HIVEP3: variants seen among roughly 807,000 people sequenced by gnomAD.
HIVEP3 encodes the protein transcription factor HIVEP3.
HIVEP3 carries 49 observed loss-of-function variants against 152.8 expected under a neutral mutation model. That is an observed-to-expected ratio of 0.32 (90% CI 0.26 to 0.41). The LOEUF (loss-of-function observed/expected upper bound fraction) is 0.41, where lower values mean the gene tolerates loss of function less well. Among genes scored for constraint, HIVEP3 ranks in the 10% least tolerant of loss-of-function variants. The pLI is 1.00. For missense variants in HIVEP3, 2,790 were observed against 3,103.3 expected, an observed-to-expected ratio of 0.90 and a Z score of 2.40; for synonymous variants, 1,269 against 1,289.0, an observed-to-expected ratio of 0.98 and a Z score of 0.33.
At chr1:41,526,697 ACG>A (rs1642946293) in intron 5 of HIVEP3, among the ~76,000 whole-genome samples, 2 of 31,416 alleles carry the variant, frequency 6.4e-5, no homozygotes, top group African/African-American at 2.8e-4. Flanking sequence ...ACTCACCCTC[ACG>A]CACACTCACC....
At chr1:41,992,520 C>T (rs1645368643) in intron 1 of HIVEP3, among the ~76,000 whole-genome samples, 1 of 147,458 alleles carries the variant, frequency 6.8e-6, no homozygotes, top group African/African-American at 2.6e-5. Context: ...AATGGAAGAA[C>T]ATTCCATGCT....
intron 1 of HIVEP3, among the ~76,000 whole-genome samples, chr1:41,707,428 G>C (rs1646450865): frequency 6.6e-6 from 1 of 152,220 alleles, no homozygotes; most frequent in Non-Finnish European, 1.5e-5. Context: ...GGGCAAGAAA[G>C]GACTTACCCT....
At chr1:41,863,744 C>A (rs1015415673) in intron 1 of HIVEP3, among the ~76,000 whole-genome samples, 1 of 152,194 alleles carries the variant, frequency 6.6e-6, no homozygotes, top group African/African-American at 2.4e-5. Context: ...CTACCTCTCT[C>A]AATTAGTTGG....
intron 1 of HIVEP3, among the ~76,000 whole-genome samples, chr1:41,783,734 A>T (rs951543598): frequency 6.6e-6 from 1 of 152,202 alleles, no homozygotes; most frequent in Admixed American, 6.5e-5. Flanking sequence ...CTTTTTCAGA[A>T]TGAAGGGGCC....
At chr1:41,699,654 G>A (rs905981824) in intron 2 of HIVEP3, among the ~76,000 whole-genome samples, 1 of 152,144 alleles carries the variant, frequency 6.6e-6, no homozygotes, top group Non-Finnish European at 1.5e-5. Context: ...TGGGGCCCCG[G>A]GGACCTGAAA....
At chr1:41,865,190 G>A (rs140522367) in intron 1 of HIVEP3, among the ~76,000 whole-genome samples, 7 of 152,198 alleles carry the variant, frequency 4.6e-5, no homozygotes, top group East Asian at 1.9e-4. Flanking sequence ...CATCGTTCAC[G>A]CCATCTTTTA....
intron 1 of HIVEP3, chr1:41,848,595 A>T (rs1643507253): frequency 1.3e-5 from 2 of 152,464 alleles, no homozygotes. Context: ...AACAGGGTGG[A>T]AGGGTAGAGA....
intron 1 of HIVEP3, among the ~76,000 whole-genome samples, chr1:41,796,150 T>C (rs567864493): frequency 6.6e-6 from 1 of 152,344 alleles, no homozygotes; most frequent in East Asian, 1.9e-4. Context: ...TTGACTCTAA[T>C]CCAGCACTAT....
At chr1:41,931,160 T>A (rs967621432) in intron 1 of HIVEP3, among the ~76,000 whole-genome samples, 1 of 152,114 alleles carries the variant, frequency 6.6e-6, no homozygotes, top group Non-Finnish European at 1.5e-5. Flanking sequence ...ATTGTGCTTT[T>A]AATGTTGTAT....
At chr1:42,028,082 C>A (rs984050109) in intron 1 of HIVEP3, among the ~76,000 whole-genome samples, 3 of 152,222 alleles carry the variant, frequency 2.0e-5, no homozygotes, top group African/African-American at 7.2e-5. Flanking sequence ...CTTCCTTGAA[C>A]AATCTCTCTA....
intron 1 of HIVEP3, among the ~76,000 whole-genome samples, chr1:41,711,630 G>T (rs529611794): frequency 6.6e-6 from 1 of 152,340 alleles, no homozygotes; most frequent in East Asian, 1.9e-4. Context: ...AAAAGCATTT[G>T]TCAAATGCCC....
chr1:41,814,914 TG>T (rs1287980677), intron 1 of HIVEP3, among the ~76,000 whole-genome samples: 1 of 152,242 alleles, frequency 6.6e-6, no homozygotes, highest in Non-Finnish European at 1.5e-5. Flanking sequence ...ATGCATGATA[TG>T]CAAAATCAGC....
At chr1:41,775,530 G>T (rs1280075583) in intron 1 of HIVEP3, among the ~76,000 whole-genome samples, 1 of 151,856 alleles carries the variant, frequency 6.6e-6, no homozygotes, top group African/African-American at 2.4e-5. Context: ...TTACTCTGTC[G>T]CCCAGGCTGG....
At chr1:42,015,396 G>C (rs1645516224) in intron 1 of HIVEP3, among the ~76,000 whole-genome samples, 1 of 152,150 alleles carries the variant, frequency 6.6e-6, no homozygotes, top group Non-Finnish European at 1.5e-5. Context: ...CTAAATACAG[G>C]GGCATGGGTT....
intron 1 of HIVEP3, among the ~76,000 whole-genome samples, chr1:41,797,651 T>A (rs7525290): frequency 3.3e-5 from 5 of 152,122 alleles, no homozygotes; most frequent in African/African-American, 1.2e-4. Context: ...CAAAGGGAAC[T>A]GAGGGCTTCT....
At position 41,631,150 on chromosome 1, in the gene HIVEP3, G is replaced by A. The variant is rs973159244; in HGVS notation, c.-720-2203C>T. On this transcript the variant is annotated intron_variant, in intron 2 of 8. Transcript: ENST00000372583. ...TGGTGGCGTGGCGTGTCATATCCAC[G>A]CCGTGCTCTTTGGAGGATGCTCTGG... Among the ~76,000 whole-genome samples, 5 of 152,196 alleles carry A rather than the reference G, an allele frequency of 3.3e-5. No homozygotes were observed. In the East Asian group the frequency reaches 5.8e-4, roughly 18 times the overall value.
intron 1 of HIVEP3, among the ~76,000 whole-genome samples, chr1:41,840,249 A>G (rs1276656233): frequency 3.3e-5 from 5 of 152,216 alleles, no homozygotes; most frequent in African/African-American, 1.2e-4. Context: ...GTCTTTGCAG[A>G]TATCATTAGT....
chr1:41,656,900 C>A (rs547127860), intron 2 of HIVEP3, among the ~76,000 whole-genome samples: 28 of 152,202 alleles, frequency 1.8e-4, no homozygotes, highest in Non-Finnish European at 3.5e-4. Flanking sequence ...GCCTAGACAG[C>A]ACTCCAGAGC....
intron 5 of HIVEP3, among the ~76,000 whole-genome samples, chr1:41,525,145 A>T (rs1569722746): frequency 6.6e-6 from 1 of 152,170 alleles, no homozygotes; most frequent in African/African-American, 2.4e-5. Context: ...TTCCTCCTCC[A>T]GAGCAGCAGA....
Sources: gnomAD v4.1 joint callset for allele counts (sites outside exome capture counted in the v4.1 genomes callset) on GRCh38, gnomAD v4.1.1 for gene constraint, MANE v1.5 for transcripts, NCBI Gene and HGNC (gene_info 2026-07-23, HGNC 2026-07-21) for gene names.